ELMO1: variants seen among roughly 807,000 people sequenced by gnomAD.
ELMO1 encodes the protein engulfment and cell motility protein 1.
In ELMO1, 26 loss-of-function variants were observed where a neutral mutation model predicts 98.9. That is an observed-to-expected ratio of 0.26 (90% CI 0.19 to 0.36). The LOEUF is 0.36. Among genes scored for constraint, ELMO1 ranks in the 10% least tolerant of loss-of-function variants. ELMO1 has a pLI of 1.00. For synonymous variants in ELMO1, 346 were observed against 346.0 expected, an observed-to-expected ratio of 1.00 and a Z score of 0.00; for missense variants, 627 against 935.2, an observed-to-expected ratio of 0.67 and a Z score of 4.30.
At chr7:37,335,025 A>G (rs1360639176) in intron 2 of ELMO1, among the ~76,000 whole-genome samples, 2 of 152,268 alleles carry the variant, frequency 1.3e-5, no homozygotes, top group African/African-American at 4.8e-5. Context: ...GTGATGAACC[A>G]AAGGATACAA....
intron 7 of ELMO1, among the ~76,000 whole-genome samples, chr7:37,243,806 A>G (rs888786722): frequency 6.6e-6 from 1 of 152,228 alleles, no homozygotes; most frequent in Non-Finnish European, 1.5e-5. Flanking sequence ...TGGTTAAGAA[A>G]GAAACTTAGA....
rs147462933 is a variant in ELMO1, at chr7:36,855,984, C to T, written c.1984-233G>A. Among the ~76,000 whole-genome samples, 373 of 152,236 alleles carry T rather than the reference C, an allele frequency of 2.5e-3. 1 individual carries two copies. Among genetic ancestry groups the T allele is most frequent in the African/African-American group, 8.3e-3 (345 of 41,532 alleles). On this transcript the variant is annotated intron_variant, in intron 21 of 21. Transcript: ENST00000310758. This position sits in a 1 kb window ranked among gnomAD's most constrained non-coding sequence, Gnocchi z 4.2. ...AGAAGTGACTCAGTATTATGTAGAC[C>T]GGGTGGGATTTGAACCCAGGCAATC... is the stretch of plus-strand genomic sequence containing the variant.
chr7:37,224,172 G>T (rs1009782032), intron 9 of ELMO1, among the ~76,000 whole-genome samples: 1 of 152,166 alleles, frequency 6.6e-6, no homozygotes, highest in African/African-American at 2.4e-5. Context: ...AGCTCATAAT[G>T]TTTATTATCA....
intron 1 of ELMO1, among the ~76,000 whole-genome samples, chr7:37,389,281 C>T (rs1226343083): frequency 1.3e-5 from 2 of 152,164 alleles, no homozygotes; most frequent in Non-Finnish European, 2.9e-5. Flanking sequence ...TTAGCCTTCA[C>T]GCTGGGTTTC....
At chr7:37,016,636 T>C (rs967796239) in intron 15 of ELMO1, among the ~76,000 whole-genome samples, 10 of 152,214 alleles carry the variant, frequency 6.6e-5, no homozygotes, top group Non-Finnish European at 1.0e-4. Flanking sequence ...GCGTAGCCAG[T>C]GCCTGCTGAC....
intron 2 of ELMO1, among the ~76,000 whole-genome samples, chr7:37,335,668 C>T (rs1211054342): frequency 4.6e-5 from 7 of 152,086 alleles, no homozygotes; most frequent in East Asian, 3.9e-4. Flanking sequence ...GAGGGGTGCC[C>T]GGAAGCCCTC....
chr7:37,418,805 G>A (rs929741388), intron 1 of ELMO1, among the ~76,000 whole-genome samples: 3 of 152,302 alleles, frequency 2.0e-5, no homozygotes, highest in East Asian at 1.9e-4. Context: ...CAGGTTAAGC[G>A]TGGGAGGCAA....
intron 4 of ELMO1, among the ~76,000 whole-genome samples, chr7:37,304,708 T>A (rs1798518504): frequency 6.6e-6 from 1 of 152,152 alleles, no homozygotes; most frequent in Admixed American, 6.5e-5. Flanking sequence ...AGAGCGAGAC[T>A]CTGTCTCCAA....
rs530082568 is a variant in ELMO1, at chr7:37,145,511, T to C, written c.1087-12277A>G. 2.0e-5 allele frequency among the ~76,000 whole-genome samples: 3 copies of C among 152,360 alleles called. No homozygotes were observed. In the East Asian group the frequency reaches 5.8e-4, roughly 29 times the overall value. On this transcript the variant is annotated intron_variant, in intron 13 of 21. Transcript: ENST00000310758. ...CACTAAAATAATATGTATTAGCACC[T>C]CCGCAGGGAAGTAGCAAACTGTAAT...
chr7:37,319,571 A>C (rs1799373086), intron 2 of ELMO1, among the ~76,000 whole-genome samples: 2 of 152,182 alleles, frequency 1.3e-5, no homozygotes, highest in African/African-American at 2.4e-5. Context: ...ACTATTTGCC[A>C]TGAATTTCCA....
In ELMO1 at chr7:37,113,861, G is replaced by A. The variant is rs550399879; in HGVS notation, c.1192-17134C>T. On this transcript the variant is annotated intron_variant, in intron 14 of 21. Coordinates refer to ENST00000310758, the MANE Select transcript of ELMO1 (RefSeq NM_014800.11). The stretch of plus-strand genomic sequence containing the variant: ...GTGGAGAGGCAGCAAGAGGGCAGCC[G>A]TTTACAAGCCAAAAAGGGAGGCCTC... Among the ~76,000 whole-genome samples, 81 of 152,322 alleles carry A rather than the reference G, an allele frequency of 5.3e-4. No homozygotes were observed. The East Asian group carries it at 0.013, about 25-fold the overall frequency.
intron 4 of ELMO1, among the ~76,000 whole-genome samples, chr7:37,284,963 A>G (rs954200026): frequency 3.3e-5 from 5 of 152,126 alleles, no homozygotes; most frequent in African/African-American, 9.7e-5. Context: ...CACCATTACT[A>G]TTCCATGGGG....
chr7:37,152,667 C>T (rs1440234322), intron 13 of ELMO1, among the ~76,000 whole-genome samples: 1 of 151,870 alleles, frequency 6.6e-6, no homozygotes, highest in Non-Finnish European at 1.5e-5. Flanking sequence ...CACTCAGCAC[C>T]GGAAAGAAGG....
chr7:36,927,038 A>G (rs1488947756), intron 16 of ELMO1, among the ~76,000 whole-genome samples: 1 of 152,252 alleles, frequency 6.6e-6, no homozygotes, highest in Non-Finnish European at 1.5e-5. Context: ...TTCAAAAAAT[A>G]TAACAAGACT....
chr7:37,152,364 A>G (rs1788421485), intron 13 of ELMO1, among the ~76,000 whole-genome samples: 1 of 151,822 alleles, frequency 6.6e-6, no homozygotes, highest in African/African-American at 2.4e-5. Flanking sequence ...CTGGGTGCAG[A>G]GAAAGTGACT....
intron 16 of ELMO1, among the ~76,000 whole-genome samples, chr7:36,911,512 T>G (rs543597037): frequency 1.1e-4 from 16 of 152,308 alleles, no homozygotes; most frequent in African/African-American, 3.8e-4. Context: ...CATGATACTT[T>G]ACTGGTATAA....
intron 19 of ELMO1, among the ~76,000 whole-genome samples, chr7:36,871,476 C>T (rs1190170987): frequency 2.0e-5 from 3 of 152,232 alleles, no homozygotes; most frequent in African/African-American, 7.2e-5. Flanking sequence ...GCAAAGTCAT[C>T]TGCCCCTCTC....
chr7:37,162,756 T>A (rs1789313904), intron 13 of ELMO1, among the ~76,000 whole-genome samples: 1 of 152,170 alleles, frequency 6.6e-6, no homozygotes, highest in African/African-American at 2.4e-5. Flanking sequence ...GAGAAGGTGT[T>A]TCTAGCCTTT....
intron 1 of ELMO1, chr7:37,429,200 A>G (rs1804829635): frequency 6.6e-6 from 1 of 152,232 alleles, no homozygotes; most frequent in Admixed American, 6.5e-5. Flanking sequence ...TTCCACATCC[A>G]TTCCGGGTGC....
Sources: gnomAD v4.1 joint callset for allele counts (sites outside exome capture counted in the v4.1 genomes callset) on GRCh38, gnomAD v4.1.1 for gene constraint, Gnocchi (gnomAD v3.1) non-coding constraint, MANE v1.5 for transcripts, NCBI Gene and HGNC (gene_info 2026-07-23, HGNC 2026-07-21) for gene names.